TMEM132D: variants seen among roughly 807,000 people sequenced by gnomAD.
TMEM132D encodes mature OL transmembrane protein.
A neutral mutation model predicts 62.3 loss-of-function variants in TMEM132D; 21 were observed. The observed-to-expected ratio is 0.34, with a 90% CI of 0.24 to 0.49. The LOEUF (loss-of-function observed/expected upper bound fraction) is 0.49. Ranked by LOEUF, TMEM132D falls within the 20% of genes least tolerant of loss-of-function variation. The pLI, the probability that TMEM132D is intolerant of heterozygous loss-of-function variation, is 0.99. For synonymous variants in TMEM132D, 621 were observed against 575.6 expected (o/e 1.08, Z -1.13); for missense variants, 1,346 against 1,402.8 (o/e 0.96, Z 0.65).
chr12:129,301,894 G>C (rs888315329), intron 4 of TMEM132D, among the ~76,000 whole-genome samples: 3 of 152,072 alleles, frequency 2.0e-5, no homozygotes, highest in African/African-American at 7.2e-5. Flanking sequence ...GTCTCAGGTG[G>C]TGATGACGCT....
intron 2 of TMEM132D, among the ~76,000 whole-genome samples, chr12:129,653,315 G>A (rs868733499): frequency 4.6e-5 from 7 of 152,310 alleles, no homozygotes; most frequent in South Asian, 4.1e-4. Context: ...CAGGGCTTCC[G>A]GCTAAGTGCA....
At chr12:129,358,135 C>T (rs1870132885) in intron 3 of TMEM132D, among the ~76,000 whole-genome samples, 1 of 151,866 alleles carries the variant, frequency 6.6e-6, no homozygotes, top group African/African-American at 2.4e-5. Flanking sequence ...CTTATAATAC[C>T]CTGAGGTCTG....
chr12:129,387,200 A>G (rs1283932886), intron 3 of TMEM132D, among the ~76,000 whole-genome samples: 2 of 121,132 alleles, frequency 1.7e-5, no homozygotes, highest in Non-Finnish European at 3.4e-5. Context: ...CACCAACACT[A>G]ACAATAATAC....
intron 8 of TMEM132D, among the ~76,000 whole-genome samples, chr12:129,077,808 A>G (rs1281126939): frequency 2.0e-5 from 3 of 152,082 alleles, no homozygotes; most frequent in African/African-American, 7.2e-5. Flanking sequence ...ATACAACACA[A>G]GCACACATGC....
intron 4 of TMEM132D, among the ~76,000 whole-genome samples, chr12:129,247,295 C>G (rs2135588146): frequency 6.6e-6 from 1 of 152,246 alleles, no homozygotes; most frequent in South Asian, 2.1e-4. Flanking sequence ...GTGGGCAGTT[C>G]TCACATTTGC....
rs377508930 is a variant in TMEM132D, at chr12:129,676,571, G to A, written c.968+23239C>T. Among the ~76,000 whole-genome samples, 10 of 152,290 alleles carry A rather than the reference G, an allele frequency of 6.6e-5. No homozygotes were observed. In the East Asian group the frequency reaches 1.5e-3, roughly 24 times the overall value. ...GGAGCCAGTGTTTCACATGGCGAGA[G>A]CGGGAGGCACCAGACTCTTTTAAAC... On this transcript the variant is annotated intron_variant, in intron 2 of 8. Coordinates refer to ENST00000422113, the MANE Select transcript of TMEM132D (RefSeq NM_133448.3).
At chr12:129,100,883 G>A (rs988655382) in intron 5 of TMEM132D, among the ~76,000 whole-genome samples, 6 of 152,166 alleles carry the variant, frequency 3.9e-5, no homozygotes, top group African/African-American at 1.4e-4. Context: ...TCAAATCCTG[G>A]GGGGAGGCAC....
intron 3 of TMEM132D, chr12:129,521,823 T>C (rs1320346412): frequency 1.3e-5 from 2 of 152,210 alleles, no homozygotes; most frequent in Admixed American, 6.5e-5. Context: ...GTTTGGGCTA[T>C]TATGGAAACA....
chr12:129,813,622 A>ATATATATATATG lies in TMEM132D; in HGVS notation c.79+89638_79+89639insCATATATATATA, dbSNP rs1872256485. Among the ~76,000 whole-genome samples the ATATATATATATG allele has an allele frequency of 4.1e-5, 6 of 147,296 alleles. No individual in the cohort carries two copies. In the South Asian group the frequency reaches 1.3e-3, roughly 33 times the overall value. ...GATACAGAAAATGTGATATATATAT[A>ATATATATATATG]TATATATATTTTCAGGACTATTTCA... On this transcript the variant is annotated intron_variant, in intron 1 of 8. Coordinates refer to ENST00000422113, the MANE Select transcript of TMEM132D (RefSeq NM_133448.3).
chr12:129,145,645 C>T (rs188969787), intron 5 of TMEM132D, among the ~76,000 whole-genome samples: 38 of 152,260 alleles, frequency 2.5e-4, no homozygotes, highest in Admixed American at 2.3e-3. Context: ...GTCCCCAAGG[C>T]ACCCTAAAGA....
chr12:129,761,685 C>T (rs1593151644), intron 1 of TMEM132D, among the ~76,000 whole-genome samples: 1 of 152,220 alleles, frequency 6.6e-6, no homozygotes, highest in African/African-American at 2.4e-5. Flanking sequence ...TATTCCCACG[C>T]GGTCTGCTTT....
At chr12:129,335,293 G>A (rs550384091) in intron 4 of TMEM132D, among the ~76,000 whole-genome samples, 43 of 151,660 alleles carry the variant, frequency 2.8e-4, no homozygotes, top group African/African-American at 8.7e-4. Flanking sequence ...CATCACACCT[G>A]GCTAAGTTTT....
At position 129,088,745 on chromosome 12, in the gene TMEM132D, G is replaced by A. The variant is rs1167038513; in HGVS notation, c.1444-4043C>T. The stretch of plus-strand genomic sequence containing the variant: ...CCCTGACCGGGTGTCCTCCATGACC[G>A]GGGTGTCCTCCATGACCGGGTGTCC... On this transcript the variant is annotated intron_variant, in intron 5 of 8. Transcript: ENST00000422113. Among the ~76,000 whole-genome samples, 7 of 37,372 alleles carry A rather than the reference G, an allele frequency of 1.9e-4. 2 individuals carry two copies. The highest frequency in any genetic ancestry group is 7.0e-4 in the African/African-American group (6 of 8,606). The allele number at this position is 37,372 out of a possible 152,430, so 24.5% of individuals were successfully genotyped here.
intron 3 of TMEM132D, among the ~76,000 whole-genome samples, chr12:129,478,307 C>T (rs934769387): frequency 1.3e-5 from 2 of 152,148 alleles, no homozygotes; most frequent in Non-Finnish European, 2.9e-5. Flanking sequence ...TACACTTAGG[C>T]TACATTACAT....
chr12:129,679,992 A>C (rs1472729131), intron 2 of TMEM132D, among the ~76,000 whole-genome samples: 1 of 152,160 alleles, frequency 6.6e-6, no homozygotes, highest in Admixed American at 6.6e-5. Flanking sequence ...AATGTGTATA[A>C]ATTGCACTTG....
intron 3 of TMEM132D, among the ~76,000 whole-genome samples, chr12:129,350,630 C>T (rs1241788180): frequency 1.3e-5 from 2 of 152,216 alleles, no homozygotes; most frequent in African/African-American, 4.8e-5. Flanking sequence ...TGGGCCCAGA[C>T]TTCAGCCTCT....
At chr12:129,200,101 T>C (rs1593293817) in intron 5 of TMEM132D, among the ~76,000 whole-genome samples, 1 of 152,034 alleles carries the variant, frequency 6.6e-6, no homozygotes, top group Non-Finnish European at 1.5e-5. Flanking sequence ...CCCCTAACTC[T>C]CCCTGCCATG....
At chr12:129,570,673 T>A (rs1368109278) in intron 2 of TMEM132D, among the ~76,000 whole-genome samples, 3 of 152,210 alleles carry the variant, frequency 2.0e-5, no homozygotes, top group African/African-American at 7.2e-5. Flanking sequence ...GGTTAAAGAC[T>A]GCACCCAGAT....
intron 3 of TMEM132D, among the ~76,000 whole-genome samples, chr12:129,451,390 T>C (rs1449839374): frequency 6.6e-6 from 1 of 152,230 alleles, no homozygotes; most frequent in Non-Finnish European, 1.5e-5. Flanking sequence ...TGTCTTGCTT[T>C]CTCATGTGAA....
Sources: allele counts gnomAD v4.1 joint callset (sites outside exome capture counted in the v4.1 genomes callset), GRCh38; gene constraint gnomAD v4.1.1; transcripts MANE v1.5; gene names NCBI Gene and HGNC (gene_info 2026-07-23, HGNC 2026-07-21).